The following COL19A1 variants were observed in gnomAD, a reference collection of about 807,000 sequenced individuals.
The protein encoded by COL19A1 is collagen type XIX alpha 1 chain.
In COL19A1, 159 loss-of-function variants were observed where a neutral mutation model predicts 190.2. The observed-to-expected ratio is 0.84, with a 90% CI of 0.73 to 0.95. The LOEUF (loss-of-function observed/expected upper bound fraction) is 0.95. Among genes scored for constraint, COL19A1 ranks in the 40% least tolerant of loss-of-function variants. COL19A1 has a pLI of 0.00. For synonymous variants in COL19A1, 509 were observed against 458.9 expected (o/e 1.11, Z -1.39); for missense variants, 1,418 against 1,431.9 (o/e 0.99, Z 0.16).
chr6:69,906,586 G>C (rs915431337), intron 4 of COL19A1, among the ~76,000 whole-genome samples: 4 of 152,180 alleles, frequency 2.6e-5, no homozygotes, highest in Non-Finnish European at 4.4e-5. Flanking sequence ...GAGGCTACGT[G>C]TGAAAAAATA....
chr6:69,961,866 C>G (rs532578071), intron 10 of COL19A1, among the ~76,000 whole-genome samples: 1 of 152,072 alleles, frequency 6.6e-6, no homozygotes, highest in South Asian at 2.1e-4. Context: ...ATGCATGTTT[C>G]TATATAGTTA....
At chr6:69,893,594 C>T (rs1769513350) in intron 2 of COL19A1, among the ~76,000 whole-genome samples, 2 of 152,160 alleles carry the variant, frequency 1.3e-5, no homozygotes, top group Non-Finnish European at 2.9e-5. Context: ...CTGACTGTGG[C>T]ATAACAAGGA....
chr6:69,946,075 G>A (rs1773775784), intron 9 of COL19A1, among the ~76,000 whole-genome samples: 1 of 151,698 alleles, frequency 6.6e-6, no homozygotes, highest in Non-Finnish European at 1.5e-5. Flanking sequence ...AGGAAAGTCA[G>A]GCATACTAAA....
intron 16 of COL19A1, among the ~76,000 whole-genome samples, chr6:70,112,733 A>T (rs1784353640): frequency 6.6e-6 from 1 of 152,210 alleles, no homozygotes; most frequent in Admixed American, 6.5e-5. Flanking sequence ...TCACTGTCAC[A>T]GTCTCATCCT....
chr6:69,928,556 G>A (rs375773296), intron 5 of COL19A1, among the ~76,000 whole-genome samples: 7 of 152,138 alleles, frequency 4.6e-5, no homozygotes, highest in East Asian at 1.9e-4. Flanking sequence ...AGCATAAGGC[G>A]TAAGGAGATG....
rs1383052578 is a variant in COL19A1 at position 70,146,712 on chromosome 6, ATAT to A, written c.1815+13_1815+15del. 1.2e-6 allele frequency: 2 copies of A among 1,604,732 alleles called. No homozygotes were observed. Among genetic ancestry groups the A allele is most frequent in the Non-Finnish European group, 1.7e-6 (2 of 1,176,634 alleles). On this transcript the variant is annotated intron_variant, in intron 26 of 50. Coordinates refer to ENST00000620364, the MANE Select transcript of COL19A1 (RefSeq NM_001858.6). ...GTCCACGTGGGCCAAAGGTATACAAATATTATAGTTAATTTTTAAGGAATGAAT... is the reference window on the plus strand; with the variant it reads ...GTCCACGTGGGCCAAAGGTATACAAATATAGTTAATTTTTAAGGAATGAAT...
chr6:69,896,579 A>T (rs1769787940), intron 2 of COL19A1, among the ~76,000 whole-genome samples: 4 of 150,364 alleles, frequency 2.7e-5, no homozygotes, highest in African/African-American at 9.8e-5. Flanking sequence ...AAATACTGCC[A>T]AACAGTTTTC....
intron 11 of COL19A1, among the ~76,000 whole-genome samples, chr6:69,964,952 T>G (rs1775008526): frequency 1.3e-5 from 2 of 152,250 alleles, no homozygotes; most frequent in South Asian, 4.1e-4. Context: ...CTACATATTC[T>G]GACCCAGAAC....
chr6:70,161,284 C>CT (rs1379888833), intron 34 of COL19A1, among the ~76,000 whole-genome samples: 1 of 152,154 alleles, frequency 6.6e-6, no homozygotes, highest in Non-Finnish European at 1.5e-5. Flanking sequence ...GTGTAATCAT[C>CT]TATTTCTTCA....
chr6:69,867,811 G>T (rs757258524), intron 1 of COL19A1, among the ~76,000 whole-genome samples: 8 of 152,156 alleles, frequency 5.3e-5, no homozygotes, highest in Non-Finnish European at 8.8e-5. Context: ...ACAGTGGGCT[G>T]GAGAGCAAAA....
chr6:70,163,478 A>G lies in COL19A1; in HGVS notation c.2400+82A>G, dbSNP rs1787946969. ...TGAGACTCTTCACAGAGAGAGCCAT[A>G]AAATCAAGCAAAGCCTAAAAGTAGA... On this transcript the variant is annotated intron_variant, in intron 36 of 50. Coordinates refer to ENST00000620364, the MANE Select transcript of COL19A1 (RefSeq NM_001858.6). The G allele has an allele frequency of 2.5e-5, 32 of 1,285,822 alleles. No individual in the cohort carries two copies. In the South Asian group the frequency reaches 4.1e-4, roughly 16 times the overall value. 79.7% of individuals were successfully genotyped at this position (1,285,822 alleles called of 1,614,324 possible).
At chr6:69,919,812 C>A (rs1475977540) in intron 4 of COL19A1, among the ~76,000 whole-genome samples, 1 of 151,876 alleles carries the variant, frequency 6.6e-6, no homozygotes, top group Admixed American at 6.6e-5. Context: ...TTTTGTTTTG[C>A]TTTTTCTCCT....
intron 9 of COL19A1, among the ~76,000 whole-genome samples, chr6:69,942,678 A>G (rs1773546585): frequency 6.6e-6 from 1 of 151,632 alleles, no homozygotes; most frequent in African/African-American, 2.4e-5. Flanking sequence ...TGACTCGTCC[A>G]TGTTGCTGCA....
intron 10 of COL19A1, among the ~76,000 whole-genome samples, chr6:69,962,330 C>T (rs1174215433): frequency 6.6e-6 from 1 of 152,118 alleles, no homozygotes; most frequent in Non-Finnish European, 1.5e-5. Flanking sequence ...GCACTGGTGT[C>T]GAAGGTAGAG....
At chr6:70,057,239 A>G (rs1242416145) in intron 14 of COL19A1, among the ~76,000 whole-genome samples, 2 of 152,150 alleles carry the variant, frequency 1.3e-5, no homozygotes, top group Non-Finnish European at 2.9e-5. Flanking sequence ...GGAGTCAATC[A>G]TACACCCACT....
intron 11 of COL19A1, among the ~76,000 whole-genome samples, chr6:69,966,475 C>T (rs1156560365): frequency 6.6e-6 from 1 of 152,164 alleles, no homozygotes; most frequent in Non-Finnish European, 1.5e-5. Context: ...TTACCCCCAA[C>T]CCCGTGCTCT....
chr6:69,920,225 T>C (rs540169462), intron 4 of COL19A1, among the ~76,000 whole-genome samples: 1 of 152,334 alleles, frequency 6.6e-6, no homozygotes, highest in South Asian at 2.1e-4. Context: ...GGTCAAAGCC[T>C]CACTGGCAGT....
At chr6:70,064,714 A>G (rs1478571064) in intron 14 of COL19A1, among the ~76,000 whole-genome samples, 1 of 152,216 alleles carries the variant, frequency 6.6e-6, no homozygotes, top group East Asian at 1.9e-4. Context: ...AGAAAACCCC[A>G]TCGTCTCAGC....
At chr6:70,199,089 G>T (rs1397796062) in intron 48 of COL19A1, among the ~76,000 whole-genome samples, 1 of 152,170 alleles carries the variant, frequency 6.6e-6, no homozygotes, top group Non-Finnish European at 1.5e-5. Context: ...CATCTCTCTA[G>T]TTGCCCACTG....
Sources: allele counts gnomAD v4.1 joint callset (sites outside exome capture counted in the v4.1 genomes callset), GRCh38; gene constraint gnomAD v4.1.1; transcripts MANE v1.5; gene names NCBI Gene and HGNC (gene_info 2026-07-23, HGNC 2026-07-21).